Variants in GLCE observed in about 807,000 individuals in gnomAD.
GLCE encodes glucuronic acid epimerase.
In GLCE, 19 loss-of-function variants were observed where a neutral mutation model predicts 47.9. The observed-to-expected ratio is 0.40, with a 90% confidence interval of 0.28 to 0.58. The LOEUF (loss-of-function observed/expected upper bound fraction) is 0.58. GLCE is among the 20% of genes least tolerant of loss of function. The pLI is 0.48. For missense variants in GLCE, 556 were observed against 743.3 expected (o/e 0.75, Z 2.93); for synonymous variants, 245 against 263.4 (o/e 0.93, Z 0.68).
intron 2 of GLCE, among the ~76,000 whole-genome samples, chr15:69,247,359 C>T (rs2052767252): frequency 6.6e-6 from 1 of 152,222 alleles, no homozygotes; most frequent in South Asian, 2.1e-4. Flanking sequence ...TCACCTCTCT[C>T]AGCCTTCATA....
intron 1 of GLCE, among the ~76,000 whole-genome samples, chr15:69,162,794 A>AGTTTG (rs1411826424): frequency 5.9e-5 from 9 of 152,166 alleles, no homozygotes; most frequent in African/African-American, 2.2e-4. Flanking sequence ...GCTGTTGCCC[A>AGTTTG]GTCTGGTCTT....
At chr15:69,211,667 C>G (rs907021883) in intron 2 of GLCE, among the ~76,000 whole-genome samples, 5 of 151,794 alleles carry the variant, frequency 3.3e-5, no homozygotes, top group Non-Finnish European at 4.4e-5. Flanking sequence ...TAAAAACATG[C>G]CATATAAGTT....
chr15:69,167,823 G>GTT lies in GLCE; in HGVS notation c.-105+7083_-105+7084dup, dbSNP rs79073362. 7.8e-3 allele frequency among the ~76,000 whole-genome samples: 1,057 copies of GTT among 135,606 alleles called. 12 individuals carry two copies. The highest frequency in any genetic ancestry group is 0.026 in the African/African-American group (948 of 37,164). The allele number at this position is 135,606 out of a possible 152,430, so 89.0% of individuals were successfully genotyped here. A position where few individuals can be genotyped will look rare whatever the true frequency, so the allele number is the denominator to read the frequency against. ...AGAAAGAGAAAAAGACTTGGGAAAA[G>GTT]TTTTTTTTTTTTTTTTTTAAATCTC... On this transcript the variant is annotated intron_variant, in intron 1 of 4. Transcript: ENST00000261858.
At chr15:69,170,596 T>A (rs1595733401) in intron 1 of GLCE, among the ~76,000 whole-genome samples, 1 of 152,232 alleles carries the variant, frequency 6.6e-6, no homozygotes, top group African/African-American at 2.4e-5. Context: ...TGTGTGTATA[T>A]ATGCCAAAAC....
chr15:69,160,691 C>G lies in GLCE; in HGVS notation c.-171C>G, dbSNP rs1351261269. 1 of 152,952 alleles carries G rather than the reference C, an allele frequency of 6.5e-6. No homozygotes were observed. Among genetic ancestry groups the G allele is most frequent in the Non-Finnish European group, 1.5e-5 (1 of 68,318 alleles). The allele number at this position is 152,952 out of a possible 1,614,324, so 9.5% of individuals were successfully genotyped here. A position where few individuals can be genotyped will look rare whatever the true frequency, so the allele number is the denominator to read the frequency against. On this transcript the variant is annotated 5_prime_UTR_variant, in exon 1 of 5. Transcript: ENST00000261858. This position sits in a 1 kb window ranked among gnomAD's most constrained non-coding sequence, Gnocchi z 4.2. ...CTGCGGCACCGCAGGCCTGAGCCAC[C>G]CCTTCTCTGCTGTCTCCTTCTCTTC...
At chr15:69,171,864 T>C (rs1223012951) in intron 1 of GLCE, among the ~76,000 whole-genome samples, 1 of 152,210 alleles carries the variant, frequency 6.6e-6, no homozygotes, top group Non-Finnish European at 1.5e-5. Context: ...TATAAAGCTC[T>C]AAGGGCCGCT....
At position 69,199,394 on chromosome 15, in the gene GLCE, C is replaced by A. The variant is rs145634641; in HGVS notation, c.-104-10922C>A. 5.9e-5 allele frequency among the ~76,000 whole-genome samples: 9 copies of A among 152,182 alleles called. 1 individual carries two copies. Among genetic ancestry groups the A allele is most frequent in the African/African-American group, 2.2e-4 (9 of 41,544 alleles). ...GATGAGCATAAGGATATATAAAAAT[C>A]TGTGCAATTGAAATGTAGTTGAATT... On this transcript the variant is annotated intron_variant, in intron 1 of 4. Coordinates refer to ENST00000261858, the MANE Select transcript of GLCE (RefSeq NM_015554.3).
At chr15:69,236,166 G>A (rs77615345) in intron 2 of GLCE, among the ~76,000 whole-genome samples, 9,944 of 150,890 alleles carry the variant, frequency 0.066, 463 homozygotes, top group Non-Finnish European at 0.1. Context: ...AGTTTATCCA[G>A]TCACCATTTG....
chr15:69,226,075 GACA>G (rs2052443281), intron 2 of GLCE, among the ~76,000 whole-genome samples: 1 of 145,856 alleles, frequency 6.9e-6, no homozygotes, highest in South Asian at 2.2e-4. Context: ...CACACACACA[GACA>G]CACACACACC....
intron 1 of GLCE, among the ~76,000 whole-genome samples, chr15:69,200,551 G>T (rs1475249184): frequency 6.6e-6 from 1 of 152,086 alleles, no homozygotes; most frequent in Non-Finnish European, 1.5e-5. Context: ...TTTAAACAAG[G>T]TCTTTCTTTG....
chr15:69,171,410 T>C (rs1013144026), intron 1 of GLCE, among the ~76,000 whole-genome samples: 3 of 151,802 alleles, frequency 2.0e-5, no homozygotes, highest in African/African-American at 7.3e-5. Flanking sequence ...TTTTTTTTTT[T>C]TTTTGAGATG....
intron 4 of GLCE, 53 bp from the exon 5 acceptor site, chr15:69,268,167 T>C: frequency 8.5e-7 from 1 of 1,170,532 alleles, no homozygotes; most frequent in Non-Finnish European, 1.2e-6. Context: ...CAATTTCAAA[T>C]ACAAAAGTGC....
rs1023797805 is a variant in GLCE at position 69,268,087 on chromosome 15, A to C, written c.830-133A>C. On this transcript the variant is annotated intron_variant, in intron 4 of 4. Coordinates refer to ENST00000261858, the MANE Select transcript of GLCE (RefSeq NM_015554.3). ...AATTTAATAAAAAATAAAATTACAAATGATCTGATACTAAAAATATGTAAG... is the reference window on the plus strand; with the variant it reads ...AATTTAATAAAAAATAAAATTACAACTGATCTGATACTAAAAATATGTAAG... 4 of 589,604 alleles carry C rather than the reference A, an allele frequency of 6.8e-6. No homozygotes were observed. In the Admixed American group the frequency reaches 1.3e-4, roughly 20 times the overall value. 36.5% of individuals were successfully genotyped at this position (589,604 alleles called of 1,614,324 possible). A position where few individuals can be genotyped will look rare whatever the true frequency, so the allele number is the denominator to read the frequency against.
chr15:69,219,647 A>G (rs1595762310), intron 2 of GLCE, among the ~76,000 whole-genome samples: 1 of 152,242 alleles, frequency 6.6e-6, no homozygotes, highest in Middle Eastern at 3.4e-3. Context: ...CTTCTTTACA[A>G]ATAAGCTGGT....
At chr15:69,224,171 T>C (rs929496981) in intron 2 of GLCE, among the ~76,000 whole-genome samples, 1 of 152,228 alleles carries the variant, frequency 6.6e-6, no homozygotes. Context: ...AATCTATTAA[T>C]GTGCTAAGTC....
chr15:69,203,144 G>A (rs1007070774), intron 1 of GLCE, among the ~76,000 whole-genome samples: 11 of 152,212 alleles, frequency 7.2e-5, no homozygotes, highest in African/African-American at 2.6e-4. Context: ...GGCCAGTAAG[G>A]TAAAGCATCC....
At chr15:69,169,378 TATATACACAC>T (rs1286106223) in intron 1 of GLCE, among the ~76,000 whole-genome samples, 4 of 152,214 alleles carry the variant, frequency 2.6e-5, no homozygotes, top group Admixed American at 1.3e-4. Flanking sequence ...TATCTCCATA[TATATACACAC>T]ATATACACAC....
intron 2 of GLCE, among the ~76,000 whole-genome samples, chr15:69,241,030 C>T (rs1036429468): frequency 6.6e-6 from 1 of 152,156 alleles, no homozygotes; most frequent in African/African-American, 2.4e-5. Flanking sequence ...GCTATTCTGG[C>T]GAAACTTTGT....
rs1226114888 is a variant in GLCE, at chr15:69,269,440, C to T, written c.*196C>T. Reference sequence around the variant, plus strand: ...GTTGGGTATTTAGAAATGTAGGTGGCATTTAGAACACAATGTTTAATCAAT... The same window carrying T: ...GTTGGGTATTTAGAAATGTAGGTGGTATTTAGAACACAATGTTTAATCAAT... On this transcript the variant is annotated 3_prime_UTR_variant, in exon 5 of 5. Transcript: ENST00000261858. 3.3e-5 allele frequency: 19 copies of T among 582,892 alleles called. No individual in the cohort carries two copies. The highest frequency in any genetic ancestry group is 5.2e-5 in the Non-Finnish European group (17 of 329,054). The allele number at this position is 582,892 out of a possible 1,614,324, so 36.1% of individuals were successfully genotyped here. A position where few individuals can be genotyped will look rare whatever the true frequency, so the allele number is the denominator to read the frequency against.
Sources: gnomAD v4.1 joint callset for allele counts (sites outside exome capture counted in the v4.1 genomes callset) on GRCh38, gnomAD v4.1.1 for gene constraint, Gnocchi (gnomAD v3.1) non-coding constraint, MANE v1.5 for transcripts, NCBI Gene and HGNC (gene_info 2026-07-23, HGNC 2026-07-21) for gene names.